Variants in CCBE1 observed in about 807,000 individuals in gnomAD.
The protein encoded by CCBE1 is collagen and calcium-binding EGF domain-containing protein 1.
A neutral mutation model predicts 50.0 loss-of-function variants in CCBE1; 37 were observed. That is an observed-to-expected ratio of 0.74 (90% CI 0.57 to 0.97). CCBE1 has a LOEUF of 0.97. Ranked by LOEUF, CCBE1 falls within the 50% of genes least tolerant of loss-of-function variation. CCBE1 has a pLI of 0.00. For synonymous variants in CCBE1, 234 were observed against 203.7 expected, an observed-to-expected ratio of 1.15 and a Z score of -1.27; for missense variants, 538 against 523.8, an observed-to-expected ratio of 1.03 and a Z score of -0.26.
Position 59,448,013 on chromosome 18 carries a change from G to C in CCBE1, c.745C>G (p.Pro249Ala). 1 of 1,614,234 alleles carries C rather than the reference G, an allele frequency of 6.2e-7. No individual in the cohort carries two copies. The highest frequency in any genetic ancestry group is 1.7e-5 in the Admixed American group (1 of 60,030). Residue 249 changes from proline (P) to alanine (A), a missense_variant, in exon 7 of 11, where the codon CCT (proline) becomes GCT (alanine). Physicochemically the swap from Pro to Ala is conservative, Grantham distance 27. Transcript: ENST00000439986. ...LASNTYLPGPPGLPGGQGPPG... is the reference protein window; with the variant it reads ...LASNTYLPGPAGLPGGQGPPG... ...GGGCCCTGGCCCCCAGGCAGGCCAGGAGGTCCTGGAAGGTAGGTGTTTGAG... is the reference window on the plus strand; with the variant it reads ...GGGCCCTGGCCCCCAGGCAGGCCAGCAGGTCCTGGAAGGTAGGTGTTTGAG...
At chr18:59,564,933 T>G (rs1568209335) in intron 2 of CCBE1, among the ~76,000 whole-genome samples, 1 of 152,352 alleles carries the variant, frequency 6.6e-6, no homozygotes, top group South Asian at 2.1e-4. Flanking sequence ...CAAGCATCAG[T>G]CACATGAATC....
intron 2 of CCBE1, among the ~76,000 whole-genome samples, chr18:59,692,757 T>C (rs2054748838): frequency 6.6e-6 from 1 of 152,084 alleles, no homozygotes; most frequent in African/African-American, 2.4e-5. Context: ...ATGGGAACAT[T>C]GAGCTGCCCT....
At chr18:59,543,834 CAAAAAAAAAAA>C (rs10678902) in intron 2 of CCBE1, among the ~76,000 whole-genome samples, 1 of 69,026 alleles carries the variant, frequency 1.4e-5, no homozygotes, top group Non-Finnish European at 2.4e-5. Flanking sequence ...GACTCCGTCT[CAAAAAAAAAAA>C]AAAAAAAAAA....
chr18:59,543,550 G>A (rs371970050), intron 2 of CCBE1, among the ~76,000 whole-genome samples: 9 of 152,138 alleles, frequency 5.9e-5, no homozygotes, highest in African/African-American at 9.7e-5. Flanking sequence ...GAGAGGCCCC[G>A]AGAGGCCGGG....
At chr18:59,473,746 C>A (rs79719430) in intron 3 of CCBE1, among the ~76,000 whole-genome samples, 5 of 90,844 alleles carry the variant, frequency 5.5e-5, no homozygotes, top group Non-Finnish European at 9.5e-5. Flanking sequence ...TATTTCCTCC[C>A]CCACTACTCA....
chr18:59,642,868 G>C (rs1381850211), intron 2 of CCBE1, among the ~76,000 whole-genome samples: 1 of 146,202 alleles, frequency 6.8e-6, no homozygotes, highest in Non-Finnish European at 1.5e-5. Flanking sequence ...AGAATCGCTT[G>C]AACCTGGGAG....
At chr18:59,667,095 G>A (rs1369787438) in intron 2 of CCBE1, among the ~76,000 whole-genome samples, 1 of 151,948 alleles carries the variant, frequency 6.6e-6, no homozygotes, top group Non-Finnish European at 1.5e-5. Context: ...GCAACATAGT[G>A]AAACCCTGTC....
At chr18:59,561,493 G>A (rs114070866) in intron 2 of CCBE1, among the ~76,000 whole-genome samples, 9 of 152,310 alleles carry the variant, frequency 5.9e-5, no homozygotes, top group Middle Eastern at 6.8e-3. Flanking sequence ...GAGTGCAGGC[G>A]TGTAACTCCA....
chr18:59,514,857 C>T (rs145263437), intron 2 of CCBE1, among the ~76,000 whole-genome samples: 144 of 152,038 alleles, frequency 9.5e-4, no homozygotes, highest in Non-Finnish European at 1.1e-3. Flanking sequence ...CAGTGGTCAT[C>T]AATAAACCTC....
intron 2 of CCBE1, among the ~76,000 whole-genome samples, chr18:59,541,617 T>A (rs17836253): frequency 0.065 from 9,935 of 152,142 alleles, 940 homozygotes; most frequent in East Asian, 0.43. Flanking sequence ...CAGTCCTAGG[T>A]GTCCATATTT....
chr18:59,584,631 G>A (rs555210559), intron 2 of CCBE1, among the ~76,000 whole-genome samples: 4 of 152,184 alleles, frequency 2.6e-5, no homozygotes, highest in Non-Finnish European at 4.4e-5. Flanking sequence ...GAGTTCTTGC[G>A]AGATCTGGTT....
chr18:59,570,710 A>G (rs916765803), intron 2 of CCBE1, among the ~76,000 whole-genome samples: 3 of 152,190 alleles, frequency 2.0e-5, no homozygotes, highest in Admixed American at 2.0e-4. Context: ...CAAGGGCCTC[A>G]GGCAGCTCAT....
chr18:59,501,213 C>T (rs1598956570), intron 2 of CCBE1, among the ~76,000 whole-genome samples: 1 of 152,194 alleles, frequency 6.6e-6, no homozygotes, highest in Admixed American at 6.5e-5. Flanking sequence ...TCAAGGCTGC[C>T]GGCTGGGACG....
rs776171672 is a variant in CCBE1, at chr18:59,436,028, C to G, written c.1101G>C (p.Glu367Asp). Residue 367 changes from glutamate (E) to aspartate (D), a missense_variant, in exon 11 of 11, where the codon GAG becomes GAC. Glu to Asp is a conservative substitution (Grantham distance 45). Transcript: ENST00000439986. ...TGGGAAATTCCTGAGGTAAAGGGAA[C>G]TCCTCTGCTGAAGAGTGAGTCCGGT... ...FGHRTHSSAE[E>D]FPLPQEFPSY... is the part of the protein sequence containing the mutation. 6.2e-7 allele frequency: 1 copy of G among 1,614,206 alleles called. No individual in the cohort carries two copies. Among genetic ancestry groups the G allele is most frequent in the Non-Finnish European group, 8.5e-7 (1 of 1,180,046 alleles).
intron 2 of CCBE1, among the ~76,000 whole-genome samples, chr18:59,562,913 CTT>C (rs1300736313): frequency 3.3e-5 from 5 of 152,288 alleles, no homozygotes; most frequent in African/African-American, 1.2e-4. Context: ...TTTCAGTTCT[CTT>C]GTTTGTTTCC....
intron 2 of CCBE1, among the ~76,000 whole-genome samples, chr18:59,658,755 C>G (rs2054240261): frequency 6.6e-6 from 1 of 151,172 alleles, no homozygotes. Flanking sequence ...TAGCGTGTAC[C>G]TATAGTCCCA....
chr18:59,459,845 C>T (rs1012269449), intron 5 of CCBE1, among the ~76,000 whole-genome samples: 1 of 152,152 alleles, frequency 6.6e-6, no homozygotes, highest in Non-Finnish European at 1.5e-5. Flanking sequence ...GCAACAGTAT[C>T]AGCATTTTTA....
chr18:59,655,524 C>T (rs140273051), intron 2 of CCBE1, among the ~76,000 whole-genome samples: 1 of 152,178 alleles, frequency 6.6e-6, no homozygotes, highest in Non-Finnish European at 1.5e-5. Context: ...TATGGAGATC[C>T]TTTGGGCTTT....
intron 2 of CCBE1, among the ~76,000 whole-genome samples, chr18:59,514,782 G>C (rs1364449132): frequency 3.3e-5 from 5 of 151,968 alleles, no homozygotes; most frequent in African/African-American, 1.2e-4. Flanking sequence ...AAACATCAAG[G>C]AGAAGTCATC....
Sources: gnomAD v4.1 joint callset for allele counts (sites outside exome capture counted in the v4.1 genomes callset) on GRCh38, gnomAD v4.1.1 for gene constraint, MANE v1.5 for transcripts, NCBI Gene and HGNC (gene_info 2026-07-23, HGNC 2026-07-21) for gene names.